FAM135B: variants seen among roughly 807,000 people sequenced by gnomAD.
FAM135B encodes the protein family with sequence similarity 135 member B, also known as protein FAM135B.
A neutral mutation model predicts 127.7 loss-of-function variants in FAM135B; 43 were observed. The ratio of observed to expected loss-of-function variants is 0.34; its 90% CI spans 0.26 to 0.43. The LOEUF (loss-of-function observed/expected upper bound fraction) is 0.43, where lower values mean the gene tolerates loss of function less well. FAM135B is among the 20% of genes least tolerant of loss of function. FAM135B has a pLI of 1.00. For synonymous variants in FAM135B, 670 were observed against 665.1 expected, an observed-to-expected ratio of 1.01 and a Z score of -0.11; for missense variants, 1,558 against 1,725.6, an observed-to-expected ratio of 0.90 and a Z score of 1.72.
chr8:138,389,414 G>A (rs76286876), intron 1 of FAM135B, among the ~76,000 whole-genome samples: 333 of 152,226 alleles, frequency 2.2e-3, no homozygotes, highest in African/African-American at 7.6e-3. Flanking sequence ...GAAGGAAATG[G>A]CCATCAACTG....
chr8:138,477,869 A>T lies in FAM135B; in HGVS notation c.-20+18802T>A, dbSNP rs556800598. Among the ~76,000 whole-genome samples the T allele has an allele frequency of 3.9e-5, 6 of 152,262 alleles. No individual in the cohort carries two copies. In the East Asian group the frequency reaches 1.2e-3, roughly 29 times the overall value. ...CCTTCCTGCTTCCTATATATCAGAA[A>T]TATGGACATCATGTCTGATTATAGA... On this transcript the variant is annotated intron_variant, in intron 1 of 19. Coordinates refer to ENST00000395297, the MANE Select transcript of FAM135B (RefSeq NM_015912.4).
At chr8:138,195,219 T>C in intron 9 of FAM135B, 39 bp downstream of exon 9, 1 of 1,598,444 alleles carries the variant, frequency 6.3e-7, no homozygotes, top group Non-Finnish European at 8.5e-7. Context: ...GCAAAACTAC[T>C]GCCATTCATT....
chr8:138,193,848 A>T (rs1228154978), intron 9 of FAM135B, among the ~76,000 whole-genome samples: 21 of 152,192 alleles, frequency 1.4e-4, no homozygotes, highest in Admixed American at 1.4e-3. Context: ...CCATTGTCTC[A>T]GGTCCCACAG....
chr8:138,440,122 T>G (rs1282256917), intron 1 of FAM135B: 5 of 152,202 alleles, frequency 3.3e-5, no homozygotes. Flanking sequence ...TTCCCACCAC[T>G]GGGCTGCAGG....
rs1836312738 is a variant in FAM135B at position 138,448,371 on chromosome 8, C to A, written c.-20+48300G>T. ...AGGCCCCAATAGAACAGAAAGACTGCCCCTTCCAAGAATAAGGGTGGACTC... is the reference window on the plus strand; with the variant it reads ...AGGCCCCAATAGAACAGAAAGACTGACCCTTCCAAGAATAAGGGTGGACTC... On this transcript the variant is annotated intron_variant, in intron 1 of 19. Coordinates refer to ENST00000395297, the MANE Select transcript of FAM135B (RefSeq NM_015912.4). Among the ~76,000 whole-genome samples the A allele has an allele frequency of 1.3e-5, 2 of 152,114 alleles. 1 individual carries two copies. The highest frequency in any genetic ancestry group is 4.2e-4 in the South Asian group (2 of 4,816).
intron 2 of FAM135B, among the ~76,000 whole-genome samples, chr8:138,325,025 G>A (rs946701364): frequency 6.6e-6 from 1 of 152,102 alleles, no homozygotes; most frequent in African/African-American, 2.4e-5. Context: ...AAACAACACA[G>A]TCTGATTTCA....
At chr8:138,388,363 T>C (rs931431137) in intron 1 of FAM135B, among the ~76,000 whole-genome samples, 3 of 152,222 alleles carry the variant, frequency 2.0e-5, no homozygotes, top group Non-Finnish European at 4.4e-5. Flanking sequence ...AATATACTCT[T>C]ACTATAAGAT....
chr8:138,135,083 C>G (rs758449648), intron 19 of FAM135B, among the ~76,000 whole-genome samples: 1 of 152,128 alleles, frequency 6.6e-6, no homozygotes, highest in Non-Finnish European at 1.5e-5. Context: ...TGAATTCTAG[C>G]GTGAAAGCAG....
intron 7 of FAM135B, among the ~76,000 whole-genome samples, chr8:138,239,318 G>T: frequency 6.6e-6 from 1 of 152,198 alleles, no homozygotes; most frequent in Admixed American, 6.5e-5. Flanking sequence ...CAGTGATGAT[G>T]AGCATTTTTT....
chr8:138,440,469 T>G (rs1835698482), intron 1 of FAM135B: 2 of 102,312 alleles, frequency 2.0e-5, no homozygotes, highest in African/African-American at 7.0e-5. Flanking sequence ...CCAAAAAAGG[T>G]AAAATTAGAA....
At chr8:138,231,184 C>A (rs1044814266) in intron 7 of FAM135B, among the ~76,000 whole-genome samples, 3 of 151,994 alleles carry the variant, frequency 2.0e-5, no homozygotes, top group African/African-American at 7.2e-5. Context: ...CCACACCCAA[C>A]TAACTTTAAT....
intron 1 of FAM135B, among the ~76,000 whole-genome samples, chr8:138,402,058 G>A (rs1833183230): frequency 6.6e-6 from 1 of 152,120 alleles, no homozygotes; most frequent in Non-Finnish European, 1.5e-5. Flanking sequence ...GACAGACAGA[G>A]ACAGAGAGTG....
rs574126972 is a variant in FAM135B, at chr8:138,209,635, T to C, written c.670-11966A>G. Among the ~76,000 whole-genome samples, 8 of 152,254 alleles carry C rather than the reference T, an allele frequency of 5.3e-5. No individual in the cohort carries two copies. The East Asian group carries it at 1.5e-3, about 29-fold the overall frequency. ...CAATTCCTAGGAAACTAGCAACATA[T>C]TAGCTATGTCCAAACCATGTGATAG... On this transcript the variant is annotated intron_variant, in intron 7 of 19. Transcript: ENST00000395297.
intron 6 of FAM135B, among the ~76,000 whole-genome samples, chr8:138,248,944 AAG>A (rs1385012686): frequency 6.6e-6 from 1 of 152,136 alleles, no homozygotes; most frequent in African/African-American, 2.4e-5. Context: ...GATCCCCAAA[AAG>A]TAAGTGGTAG....
intron 3 of FAM135B, among the ~76,000 whole-genome samples, chr8:138,298,035 C>T (rs1392826699): frequency 9.2e-5 from 14 of 152,196 alleles, no homozygotes; most frequent in Non-Finnish European, 1.5e-5. Context: ...CGACTTAATA[C>T]TTGGAGAGCC....
chr8:138,197,394 A>C, intron 8 of FAM135B, 122 bp downstream of exon 8: 1 of 1,226,794 alleles, frequency 8.2e-7, no homozygotes, highest in Non-Finnish European at 1.1e-6. Flanking sequence ...CACAGCCCAA[A>C]CCTACCTGGA....
intron 3 of FAM135B, among the ~76,000 whole-genome samples, chr8:138,282,248 G>A (rs1824321384): frequency 6.6e-6 from 1 of 152,116 alleles, no homozygotes; most frequent in Admixed American, 6.5e-5. Context: ...GAAATATTTA[G>A]ATTTCCTTGG....
chr8:138,193,498 G>A lies in FAM135B; in HGVS notation c.873+1760C>T, dbSNP rs772872904. On this transcript the variant is annotated intron_variant, in intron 9 of 19. Transcript: ENST00000395297. ...CGAATCAGCTCTTCAGCCTGATCTC[G>A]TGATGGGAAATGGAAAAGCCGAGTT... 3.9e-5 allele frequency among the ~76,000 whole-genome samples: 6 copies of A among 152,180 alleles called. No homozygotes were observed. In the East Asian group the frequency reaches 5.8e-4, roughly 15 times the overall value.
intron 7 of FAM135B, among the ~76,000 whole-genome samples, chr8:138,237,273 G>A (rs1012239483): frequency 1.3e-5 from 2 of 149,774 alleles, no homozygotes; most frequent in Non-Finnish European, 2.9e-5. Context: ...TGATTCTTCT[G>A]CCTCAGCCTC....
Sources: gnomAD v4.1 joint callset for allele counts (sites outside exome capture counted in the v4.1 genomes callset) on GRCh38, gnomAD v4.1.1 for gene constraint, MANE v1.5 for transcripts, NCBI Gene and HGNC (gene_info 2026-07-23, HGNC 2026-07-21) for gene names.